Variants in CSNK2A1 observed in about 807,000 individuals in gnomAD.
CSNK2A1 encodes the protein casein kinase 2 alpha 1.
In CSNK2A1, 10 loss-of-function variants were observed where a neutral mutation model predicts 62.9. That is an observed-to-expected ratio of 0.16 (90% CI 0.10 to 0.27). The LOEUF (loss-of-function observed/expected upper bound fraction) is 0.27. Ranked by LOEUF, CSNK2A1 falls within the 10% of genes least tolerant of loss-of-function variation. The pLI is 1.00. For missense variants in CSNK2A1, 160 were observed against 492.0 expected, an observed-to-expected ratio of 0.33 and a Z score of 6.38; for synonymous variants, 124 against 167.8, an observed-to-expected ratio of 0.74 and a Z score of 2.02.
Position 505,236 on chromosome 20 carries a change from A to T in CSNK2A1, c.102-7T>A. The T allele has an allele frequency of 1.2e-6, 2 of 1,608,536 alleles. No homozygotes were observed. The highest frequency in any genetic ancestry group is 2.2e-5 in the South Asian group (2 of 90,512). ...CTGGTAGTCATCTTGATTTCTGTGG[A>T]CACAAACAAAATGACTTATAAACGG... is the stretch of plus-strand genomic sequence containing the variant. On this transcript the variant is annotated splice_polypyrimidine_tract_variant and splice_region_variant and intron_variant, in intron 3 of 13. Coordinates refer to ENST00000217244, the MANE Select transcript of CSNK2A1 (RefSeq NM_177559.3).
intron 6 of CSNK2A1, chr20:498,806 T>C (rs16989513): frequency 0.093 from 14,139 of 152,380 alleles, 710 homozygotes; most frequent in South Asian, 0.11. Context: ...TATGGCAGAA[T>C]TTGACATTAT....
At position 495,677 on chromosome 20, in the gene CSNK2A1, A is replaced by G. The variant is rs374152775; in HGVS notation, c.510+42T>C. The G allele has an allele frequency of 3.2e-6, 5 of 1,554,362 alleles. No individual in the cohort carries two copies. In the African/African-American group the frequency reaches 6.8e-5, roughly 21 times the overall value. On this transcript the variant is annotated intron_variant, in intron 8 of 13. Transcript: ENST00000217244. ...AAGTGTTGAAGATGGGCAATTAGCT[A>G]CATCATGTAGATAAATAACACTTGT...
intron 1 of CSNK2A1, among the ~76,000 whole-genome samples, chr20:537,613 A>G (rs1010905083): frequency 3.9e-5 from 6 of 152,212 alleles, no homozygotes; most frequent in African/African-American, 1.4e-4. Flanking sequence ...TAATAATCCT[A>G]GAGGAATTTC....
intron 1 of CSNK2A1, among the ~76,000 whole-genome samples, chr20:532,620 T>A (rs2019236624): frequency 1.3e-5 from 2 of 152,186 alleles, no homozygotes; most frequent in African/African-American, 4.8e-5. Flanking sequence ...AGGGGACCAG[T>A]ATCTCAACAC....
chr20:507,592 T>C (rs986852023), intron 3 of CSNK2A1: 1 of 152,184 alleles, frequency 6.6e-6, no homozygotes, highest in Non-Finnish European at 1.5e-5. Context: ...AAGATAGAAT[T>C]TGGGCTGAAT....
At position 504,419 on chromosome 20, in the gene CSNK2A1, G is replaced by C. The variant is rs1246344645; in HGVS notation, c.213+699C>G. The C allele has an allele frequency of 2.6e-5, 4 of 152,174 alleles. No homozygotes were observed. In the South Asian group the frequency reaches 8.3e-4, roughly 32 times the overall value. The allele number at this position is 152,174 out of a possible 1,614,324, so 9.4% of individuals were successfully genotyped here. ...CCAATATATGACAGTGCACAGCATA[G>C]TTATAACTAAATTAAAAGTTGTATA... On this transcript the variant is annotated intron_variant, in intron 4 of 13. Coordinates refer to ENST00000217244, the MANE Select transcript of CSNK2A1 (RefSeq NM_177559.3).
chr20:510,595 T>C (rs2018698590), intron 2 of CSNK2A1, among the ~76,000 whole-genome samples: 1 of 152,188 alleles, frequency 6.6e-6, no homozygotes, highest in Non-Finnish European at 1.5e-5. Flanking sequence ...TACATGTGTA[T>C]ATATATAGCA....
intron 10 of CSNK2A1, chr20:489,098 C>T (rs552471457): frequency 7.6e-6 from 2 of 264,658 alleles, no homozygotes; most frequent in African/African-American, 2.3e-5. Context: ...TGTGCCTTGT[C>T]CACATTTCTA....
At chr20:524,728 A>G (rs1419333068) in intron 2 of CSNK2A1, among the ~76,000 whole-genome samples, 1 of 150,828 alleles carries the variant, frequency 6.6e-6, no homozygotes, top group Non-Finnish European at 1.5e-5. Context: ...AAAAAAAAAA[A>G]AAGAGATACA....
At chr20:498,390 G>C (rs1234452012) in intron 6 of CSNK2A1, 1 of 147,804 alleles carries the variant, frequency 6.8e-6, no homozygotes, top group African/African-American at 2.5e-5. Flanking sequence ...GCCCAGGCTG[G>C]AGTGCCGTGC....
rs2018609237 is a variant in CSNK2A1, at chr20:506,716, G to T, written c.102-1487C>A. ...AAGAAAGTGAATGAAAAGACAAAAGGTACTAAAAACAATGGACAACATAAT... is the reference window on the plus strand; with the variant it reads ...AAGAAAGTGAATGAAAAGACAAAAGTTACTAAAAACAATGGACAACATAAT... On this transcript the variant is annotated intron_variant, in intron 3 of 13. Coordinates refer to ENST00000217244, the MANE Select transcript of CSNK2A1 (RefSeq NM_177559.3). The T allele has an allele frequency of 2.0e-5, 3 of 152,094 alleles. No homozygotes were observed. The South Asian group carries it at 6.2e-4, about 32-fold the overall frequency. The allele number at this position is 152,094 out of a possible 1,614,324, so 9.4% of individuals were successfully genotyped here. A position where few individuals can be genotyped will look rare whatever the true frequency, so the allele number is the denominator to read the frequency against.
chr20:486,692 AG>A (rs2018106444), intron 12 of CSNK2A1: 1 of 494,168 alleles, frequency 2.0e-6, no homozygotes, highest in Non-Finnish European at 3.6e-6. Context: ...ATCAAATGGT[AG>A]AAAGATGAGG....
intron 2 of CSNK2A1, chr20:526,769 T>G (rs1360142666): frequency 1.3e-5 from 2 of 151,496 alleles, no homozygotes; most frequent in African/African-American, 4.9e-5. Context: ...GTCTGGCCAA[T>G]ATGGTGAAAC....
chr20:530,572 C>A (rs781268908), intron 1 of CSNK2A1, among the ~76,000 whole-genome samples: 1 of 151,190 alleles, frequency 6.6e-6, no homozygotes, highest in Non-Finnish European at 1.5e-5. Context: ...CTCCTGAGCT[C>A]AAGTGATCCT....
At chr20:535,197 A>G (rs2019291988) in intron 1 of CSNK2A1, among the ~76,000 whole-genome samples, 1 of 152,140 alleles carries the variant, frequency 6.6e-6, no homozygotes, top group East Asian at 1.9e-4. Context: ...CTCTACAAAA[A>G]AAATTAACAA....
At chr20:519,511 G>A (rs577231677) in intron 2 of CSNK2A1, among the ~76,000 whole-genome samples, 34 of 152,282 alleles carry the variant, frequency 2.2e-4, no homozygotes, top group African/African-American at 8.2e-4. Flanking sequence ...CCCAGGAGTT[G>A]GAGGCCAGCC....
intron 12 of CSNK2A1, 55 bp from the exon 13 acceptor site, chr20:486,517 G>A: frequency 1.3e-6 from 2 of 1,585,086 alleles, no homozygotes; most frequent in Non-Finnish European, 1.7e-6. Flanking sequence ...TTAAACTAAT[G>A]GTCTGGAAGC....
At chr20:514,028 T>C (rs2018778463) in intron 2 of CSNK2A1, among the ~76,000 whole-genome samples, 1 of 151,902 alleles carries the variant, frequency 6.6e-6, no homozygotes, top group African/African-American at 2.4e-5. Flanking sequence ...GATAAAAGGG[T>C]ACTAAGAGAT....
At chr20:497,952 G>C in intron 6 of CSNK2A1, 172 bp from the exon 7 acceptor site, 1 of 556,158 alleles carries the variant, frequency 1.8e-6, no homozygotes, top group South Asian at 2.1e-5. Context: ...AGATACTTTG[G>C]GTCTTCAACT....
Sources: gnomAD v4.1 joint callset for allele counts (sites outside exome capture counted in the v4.1 genomes callset) on GRCh38, gnomAD v4.1.1 for gene constraint, MANE v1.5 for transcripts, NCBI Gene and HGNC (gene_info 2026-07-23, HGNC 2026-07-21) for gene names.